The following ATG10 variants were observed in gnomAD, a reference collection of about 807,000 sequenced individuals.
ATG10 encodes the protein autophagy related 10, also known as ubiquitin-like-conjugating enzyme ATG10.
In ATG10, 30 loss-of-function variants were observed where a neutral mutation model predicts 32.1. The ratio of observed to expected loss-of-function variants is 0.94; its 90% CI spans 0.70 to 1.27. The LOEUF is 1.27. ATG10 is among the 50% of genes most tolerant of loss of function. The pLI is 0.00. For synonymous variants in ATG10, 87 were observed against 91.5 expected (o/e 0.95, Z 0.28); for missense variants, 233 against 262.3 (o/e 0.89, Z 0.77).
rs530218201 is a variant in ATG10, at chr5:82,038,020, G to A, written c.109-20475G>A. Among the ~76,000 whole-genome samples, 4 of 152,086 alleles carry A rather than the reference G, an allele frequency of 2.6e-5. No homozygotes were observed. The South Asian group carries it at 6.2e-4, about 24-fold the overall frequency. On this transcript the variant is annotated intron_variant, in intron 2 of 7. Transcript: ENST00000282185. ...AGTAAGATTGCTTTTGATTGCCAAA[G>A]CAATAGATTCTGGCTAACCTAAGTA...
intron 2 of ATG10, among the ~76,000 whole-genome samples, chr5:82,017,259 A>AGG (rs1351356424): frequency 6.7e-6 from 1 of 150,296 alleles, no homozygotes; most frequent in East Asian, 2.0e-4. Context: ...GCGTATGTTG[A>AGG]TTTTGTATCC....
intron 5 of ATG10, among the ~76,000 whole-genome samples, chr5:82,190,568 C>T (rs1227092695): frequency 1.3e-5 from 2 of 151,554 alleles, no homozygotes. Flanking sequence ...GTCAAGAGAT[C>T]GAGACCATCC....
At chr5:82,190,156 T>G (rs1159331662) in intron 5 of ATG10, among the ~76,000 whole-genome samples, 1 of 152,154 alleles carries the variant, frequency 6.6e-6, no homozygotes, top group East Asian at 1.9e-4. Flanking sequence ...AAAAGTGGTA[T>G]GATCTGGGCT....
chr5:82,229,705 C>T (rs142352641), intron 5 of ATG10, among the ~76,000 whole-genome samples: 223 of 152,202 alleles, frequency 1.5e-3, no homozygotes, highest in African/African-American at 5.2e-3. Flanking sequence ...TTGAATGGCC[C>T]GTGAAGACCA....
chr5:82,035,843 G>A (rs1378343144), intron 2 of ATG10, among the ~76,000 whole-genome samples: 2 of 150,312 alleles, frequency 1.3e-5, no homozygotes, highest in Non-Finnish European at 3.0e-5. Flanking sequence ...TATAGGTATT[G>A]CAAATATTTT....
Position 81,993,387 on chromosome 5 carries a change from T to C in ATG10, c.108+5709T>C, listed in dbSNP as rs1220153705. Among the ~76,000 whole-genome samples, 61 of 115,112 alleles carry C rather than the reference T, an allele frequency of 5.3e-4. 1 individual carries two copies. Among genetic ancestry groups the C allele is most frequent in the African/African-American group, 2.4e-3 (57 of 23,850 alleles). 75.5% of individuals were successfully genotyped at this position (115,112 alleles called of 152,430 possible). The stretch of plus-strand genomic sequence containing the variant: ...TCTTTTCTTTTCTTTTCTTTTCTTT[T>C]CTTTTTTTTTCTTTTCTTTTCTTTT... On this transcript the variant is annotated intron_variant, in intron 2 of 7. Coordinates refer to ENST00000282185, the MANE Select transcript of ATG10 (RefSeq NM_031482.5).
intron 3 of ATG10, among the ~76,000 whole-genome samples, chr5:82,141,995 T>C (rs1767170654): frequency 6.6e-6 from 1 of 152,252 alleles, no homozygotes; most frequent in Non-Finnish European, 1.5e-5. Flanking sequence ...AAAGTTATTT[T>C]CATTTTAATG....
At chr5:82,095,734 T>A (rs532978611) in intron 3 of ATG10, among the ~76,000 whole-genome samples, 19 of 151,966 alleles carry the variant, frequency 1.3e-4, no homozygotes, top group Non-Finnish European at 2.6e-4. Flanking sequence ...GCTGGGGAGG[T>A]GCACAGGCCT....
chr5:82,203,682 C>T (rs1484455764), intron 5 of ATG10, among the ~76,000 whole-genome samples: 1 of 151,950 alleles, frequency 6.6e-6, no homozygotes, highest in Non-Finnish European at 1.5e-5. Flanking sequence ...ATTATGATGA[C>T]TGATATGTTT....
chr5:82,110,012 A>AT (rs1436450868), intron 3 of ATG10, among the ~76,000 whole-genome samples: 1 of 142,312 alleles, frequency 7.0e-6, no homozygotes, highest in Non-Finnish European at 1.5e-5. Context: ...AAATGTTCTC[A>AT]TTGTTCAATT....
At chr5:82,186,033 A>G (rs1744432400) in intron 5 of ATG10, among the ~76,000 whole-genome samples, 1 of 152,214 alleles carries the variant, frequency 6.6e-6, no homozygotes, top group Non-Finnish European at 1.5e-5. Flanking sequence ...AATGACATCA[A>G]TTTAGTGCAC....
At chr5:82,226,201 C>A (rs189197251) in intron 5 of ATG10, among the ~76,000 whole-genome samples, 2 of 152,120 alleles carry the variant, frequency 1.3e-5, no homozygotes, top group South Asian at 2.1e-4. Flanking sequence ...GAACATCAAA[C>A]CTTTTAATTA....
rs562328042 is a variant in ATG10, at chr5:82,222,181, G to A, written c.454-30381G>A. On this transcript the variant is annotated intron_variant, in intron 5 of 7. Transcript: ENST00000282185. Reference sequence around the variant, plus strand: ...ATGGCAAGACAAAGTATAGTTAGTGGTACACCAACTTCCCAATTTAATAAT... The same window carrying A: ...ATGGCAAGACAAAGTATAGTTAGTGATACACCAACTTCCCAATTTAATAAT... Among the ~76,000 whole-genome samples the A allele has an allele frequency of 1.1e-3, 173 of 152,312 alleles. 2 individuals are homozygous for A. Among genetic ancestry groups the A allele is most frequent in the Admixed American group, 2.2e-3 (34 of 15,286 alleles).
chr5:82,047,236 A>G (rs1013218708), intron 2 of ATG10, among the ~76,000 whole-genome samples: 3 of 152,188 alleles, frequency 2.0e-5, no homozygotes, highest in Non-Finnish European at 4.4e-5. Context: ...CAAATTGTTT[A>G]ATAAAAAGTA....
At chr5:82,158,714 C>A (rs1459580432) in intron 3 of ATG10, among the ~76,000 whole-genome samples, 3 of 151,924 alleles carry the variant, frequency 2.0e-5, no homozygotes, top group African/African-American at 7.3e-5. Context: ...CTTTAAAAGT[C>A]ACATAATAAA....
At position 82,252,588 on chromosome 5, in the gene ATG10, T is replaced by G; in HGVS notation, c.480T>G (p.Phe160Leu). ...AACATCCAATACTTGGGCAACCCTT[T>G]TTTGTACTTCATCCCTGCAAGACGA... ...QQEHPILGQP[F>L]FVLHPCKTNE... Residue 160 changes from phenylalanine to leucine, a missense_variant, in exon 6 of 8, where the codon TTT (phenylalanine) becomes TTG (leucine). By Grantham distance (22) the Phe-to-Leu change is conservative. Coordinates refer to ENST00000282185, the MANE Select transcript of ATG10 (RefSeq NM_031482.5). The G allele has an allele frequency of 6.2e-7, 1 of 1,609,792 alleles. No homozygotes were observed. The highest frequency in any genetic ancestry group is 8.5e-7 in the Non-Finnish European group (1 of 1,177,602).
intron 5 of ATG10, among the ~76,000 whole-genome samples, chr5:82,191,592 A>G (rs1744664210): frequency 6.6e-6 from 1 of 152,214 alleles, no homozygotes; most frequent in Admixed American, 6.5e-5. Context: ...TGGAGGTCAG[A>G]CATCTAAGTA....
intron 1 of ATG10, among the ~76,000 whole-genome samples, chr5:81,985,723 G>A (rs931814805): frequency 6.6e-6 from 1 of 152,052 alleles, no homozygotes; most frequent in South Asian, 2.1e-4. Context: ...GACTTTTATC[G>A]AGTCTTTCCA....
intron 4 of ATG10, among the ~76,000 whole-genome samples, chr5:82,168,641 T>C (rs573870517): frequency 2.6e-5 from 4 of 152,302 alleles, no homozygotes; most frequent in Admixed American, 2.6e-4. Context: ...AAATATTTCA[T>C]GTGAAAGATT....
Sources: allele counts gnomAD v4.1 joint callset (sites outside exome capture counted in the v4.1 genomes callset), GRCh38; gene constraint gnomAD v4.1.1; transcripts MANE v1.5; gene names NCBI Gene and HGNC (gene_info 2026-07-23, HGNC 2026-07-21).